PPP3R1: variants seen among roughly 807,000 people sequenced by gnomAD.
PPP3R1 encodes protein phosphatase 3 regulatory subunit B, alpha.
Under a neutral mutation model 22.6 loss-of-function variants are expected in PPP3R1, and 5 were observed. The observed-to-expected ratio is 0.22, with a 90% CI of 0.12 to 0.46. The LOEUF (loss-of-function observed/expected upper bound fraction) is 0.46, where lower values mean the gene tolerates loss of function less well. Among genes scored for constraint, PPP3R1 ranks in the 20% least tolerant of loss-of-function variants. PPP3R1 has a pLI of 0.99. For missense variants in PPP3R1, 61 were observed against 203.2 expected (o/e 0.30, Z 4.25); for synonymous variants, 56 against 65.2 (o/e 0.86, Z 0.68).
At chr2:68,220,147 T>C (rs1669659656) in intron 1 of PPP3R1, among the ~76,000 whole-genome samples, 1 of 152,200 alleles carries the variant, frequency 6.6e-6, no homozygotes. Flanking sequence ...GCTTACTGTC[T>C]GGAGAAAGTT....
chr2:68,252,225 C>T lies in PPP3R1; in HGVS notation c.-98G>A, dbSNP rs192797880. The T allele has an allele frequency of 9.0e-3, 10,375 of 1,156,306 alleles. 745 individuals carry two copies. The African/African-American group carries it at 0.15, about 17-fold the overall frequency. 71.6% of individuals were successfully genotyped at this position (1,156,306 alleles called of 1,614,324 possible). On this transcript the variant is annotated 5_prime_UTR_variant, in exon 1 of 6. Transcript: ENST00000234310. ...AACGGCGGCGGCGGCCCAGCTGCGG[C>T]CCTCGGGTCGCCGGCGGGGAGGGGG...
chr2:68,214,723 T>C (rs547306488), intron 2 of PPP3R1, among the ~76,000 whole-genome samples: 5 of 152,296 alleles, frequency 3.3e-5, no homozygotes, highest in African/African-American at 1.2e-4. Context: ...GCAGTGTAGC[T>C]ATTCCTCAAA....
intron 1 of PPP3R1, among the ~76,000 whole-genome samples, chr2:68,242,898 A>C (rs1211186277): frequency 2.0e-5 from 3 of 152,242 alleles, no homozygotes; most frequent in East Asian, 3.8e-4. Context: ...GCTATGCTTC[A>C]TTCTATTGTA....
At chr2:68,224,835 C>T (rs1312704109) in intron 1 of PPP3R1, among the ~76,000 whole-genome samples, 1 of 151,820 alleles carries the variant, frequency 6.6e-6, no homozygotes, top group East Asian at 1.9e-4. Context: ...GATGCTACAA[C>T]AACTGAATAG....
intron 5 of PPP3R1, among the ~76,000 whole-genome samples, chr2:68,182,255 C>T (rs949166361): frequency 6.6e-6 from 1 of 152,110 alleles, no homozygotes; most frequent in Non-Finnish European, 1.5e-5. Flanking sequence ...AAAATAGTCC[C>T]TTTATTTGAA....
At chr2:68,193,886 C>G (rs575291765) in intron 2 of PPP3R1, among the ~76,000 whole-genome samples, 3 of 152,138 alleles carry the variant, frequency 2.0e-5, no homozygotes, top group Non-Finnish European at 1.5e-5. Flanking sequence ...TAACTTTTGG[C>G]GCCAATTTTC....
intron 2 of PPP3R1, among the ~76,000 whole-genome samples, chr2:68,205,743 G>C (rs1045434090): frequency 2.6e-5 from 4 of 152,100 alleles, no homozygotes; most frequent in Admixed American, 6.5e-5. Context: ...AGTGTCCGTG[G>C]AGTTATAGCA....
At chr2:68,213,960 T>A (rs186335623) in intron 2 of PPP3R1, among the ~76,000 whole-genome samples, 117 of 152,248 alleles carry the variant, frequency 7.7e-4, no homozygotes, top group Non-Finnish European at 1.2e-3. Context: ...CAAAAACAGA[T>A]ATACAGACCA....
At chr2:68,236,661 C>T (rs1019392673) in intron 1 of PPP3R1, among the ~76,000 whole-genome samples, 3 of 152,044 alleles carry the variant, frequency 2.0e-5, no homozygotes, top group Non-Finnish European at 4.4e-5. Flanking sequence ...AAGATCCCAT[C>T]AGTAATCTGG....
In PPP3R1 at chr2:68,196,208, T is replaced by G. The variant is rs1053406893; in HGVS notation, c.44-7518A>C. On this transcript the variant is annotated intron_variant, in intron 2 of 5. Transcript: ENST00000234310. The stretch of plus-strand genomic sequence containing the variant: ...GTTATCAACAGAAGTTACTGAGAAG[T>G]TTTTCAACATAAAGATTAACTTAAA... Among the ~76,000 whole-genome samples, 5 of 152,032 alleles carry G rather than the reference T, an allele frequency of 3.3e-5. No individual in the cohort carries two copies. The East Asian group carries it at 9.6e-4, about 29-fold the overall frequency.
At chr2:68,186,788 G>A in intron 4 of PPP3R1, 136 bp from the exon 5 acceptor site, 1 of 869,650 alleles carries the variant, frequency 1.1e-6, no homozygotes, top group Admixed American at 2.8e-5. Flanking sequence ...AAATAGAGTT[G>A]TCCTTAGGCA....
At chr2:68,186,253 A>T (rs1358887797) in intron 5 of PPP3R1, among the ~76,000 whole-genome samples, 1 of 152,214 alleles carries the variant, frequency 6.6e-6, no homozygotes, top group African/African-American at 2.4e-5. Flanking sequence ...CCTAGTTGTA[A>T]TTTGAGAGGC....
chr2:68,200,038 ATT>A (rs1480750055), intron 2 of PPP3R1, among the ~76,000 whole-genome samples: 4 of 152,066 alleles, frequency 2.6e-5, no homozygotes, highest in South Asian at 2.1e-4. Flanking sequence ...TGACCTTACT[ATT>A]TTCTTTGTAG....
intron 1 of PPP3R1, among the ~76,000 whole-genome samples, chr2:68,223,433 G>A (rs1401741469): frequency 2.0e-5 from 3 of 152,062 alleles, no homozygotes; most frequent in African/African-American, 7.2e-5. Context: ...TATATCTAAT[G>A]TTTCTCTATG....
intron 2 of PPP3R1, among the ~76,000 whole-genome samples, chr2:68,209,561 C>G (rs1186919620): frequency 6.6e-6 from 1 of 151,534 alleles, no homozygotes; most frequent in Non-Finnish European, 1.5e-5. Flanking sequence ...TGAGACAAGC[C>G]TGGTAACATA....
intron 1 of PPP3R1, among the ~76,000 whole-genome samples, chr2:68,248,515 C>T (rs1043923161): frequency 6.6e-6 from 1 of 152,168 alleles, no homozygotes; most frequent in African/African-American, 2.4e-5. Flanking sequence ...AAAGTTCAGC[C>T]TATATCACAA....
intron 1 of PPP3R1, among the ~76,000 whole-genome samples, chr2:68,251,324 A>C (rs1172138709): frequency 6.6e-6 from 1 of 152,194 alleles, no homozygotes; most frequent in Non-Finnish European, 1.5e-5. Flanking sequence ...TAAAATCGCC[A>C]TGATTCAAAA....
At chr2:68,225,099 G>C (rs932112074) in intron 1 of PPP3R1, among the ~76,000 whole-genome samples, 1 of 152,160 alleles carries the variant, frequency 6.6e-6, no homozygotes, top group Non-Finnish European at 1.5e-5. Flanking sequence ...AGAATTCTTA[G>C]GTAGCCCTTT....
intron 2 of PPP3R1, among the ~76,000 whole-genome samples, chr2:68,189,273 C>T (rs934111013): frequency 1.3e-5 from 2 of 152,038 alleles, no homozygotes; most frequent in African/African-American, 2.4e-5. Context: ...AATATTCTTC[C>T]AGAGATACTT....
Sources: allele counts gnomAD v4.1 joint callset (sites outside exome capture counted in the v4.1 genomes callset), GRCh38; gene constraint gnomAD v4.1.1; transcripts MANE v1.5; gene names NCBI Gene and HGNC (gene_info 2026-07-23, HGNC 2026-07-21).